Variants in RTN4 observed in about 807,000 individuals in gnomAD.
RTN4 encodes reticulon-4.
A neutral mutation model predicts 90.4 loss-of-function variants in RTN4; 32 were observed. That is an observed-to-expected ratio of 0.35 (90% CI 0.27 to 0.48). The LOEUF is 0.48. Ranked by LOEUF, RTN4 falls within the 20% of genes least tolerant of loss-of-function variation. The probability of loss-of-function intolerance (pLI) is 0.99; values close to 1 mark genes in which losing one functional copy is unlikely to be tolerated. For synonymous variants in RTN4, 629 were observed against 552.5 expected (o/e 1.14, Z -1.94); for missense variants, 1,706 against 1,430.2 (o/e 1.19, Z -3.11).
At chr2:55,134,423 T>C in the RTN4 span, among the ~76,000 whole-genome samples, 1 of 152,038 alleles carries the variant, frequency 6.6e-6, no homozygotes, top group Non-Finnish European at 1.5e-5. Flanking sequence ...GGCCACTCAG[T>C]AATAAGACTC....
chr2:55,075,981 A>C (rs2920884), intron 2 of RTN4, among the ~76,000 whole-genome samples: 139,595 of 152,234 alleles, frequency 0.92, 64,150 homozygotes, highest in African/African-American at 0.97. Flanking sequence ...CACAAAAATT[A>C]TAGAACAAAC....
At chr2:55,076,719 A>G (rs1668607175) in intron 2 of RTN4, among the ~76,000 whole-genome samples, 2 of 152,062 alleles carry the variant, frequency 1.3e-5, no homozygotes, top group Admixed American at 1.3e-4. Context: ...CTTGAATTGT[A>G]GTTCCCATAA....
At chr2:55,013,970 G>A (rs1407711144) in intron 3 of RTN4, among the ~76,000 whole-genome samples, 1 of 152,080 alleles carries the variant, frequency 6.6e-6, no homozygotes, top group Non-Finnish European at 1.5e-5. Context: ...ACAGAAAATA[G>A]GCATGTTTTT....
At position 55,025,608 on chromosome 2, in the gene RTN4, G is replaced by A. The variant is rs1266913943; in HGVS notation, c.2491C>T (p.Gln831Ter). 1.2e-6 allele frequency: 2 copies of A among 1,613,470 alleles called. No individual in the cohort carries two copies. Among genetic ancestry groups the A allele is most frequent in the Non-Finnish European group, 1.7e-6 (2 of 1,179,752 alleles). Residue 831 changes from glutamine (Q) to a stop codon, truncating the protein, a stop_gained, in exon 3 of 9, where the codon CAG becomes TAG. Transcript: ENST00000337526. LOFTEE classifies it high-confidence loss of function. ...TLSKKEKIPL[Q>*]MEELSTAVYS... Reference sequence around the variant, plus strand: ...ACTGCAGTACTGAGCTCCTCCATCTGCAAAGGAATTTTCTCCTTTTTGCTC... The same window carrying A: ...ACTGCAGTACTGAGCTCCTCCATCTACAAAGGAATTTTCTCCTTTTTGCTC...
rs72912565 is a variant in RTN4, at chr2:55,026,750, G to A, written c.1349C>T (p.Thr450Met). 5,100 of 1,613,846 alleles carry A rather than the reference G, an allele frequency of 3.2e-3. 136 individuals are homozygous for A. The African/African-American group carries it at 0.06, about 19-fold the overall frequency. The change falls in exon 3 of 9, where the codon ACG becomes ATG. Residue 450 changes from threonine to methionine, a missense_variant. Thr to Met is a moderately conservative substitution (Grantham distance 81). Coordinates refer to ENST00000337526, the MANE Select transcript of RTN4 (RefSeq NM_020532.5). ...TGAACGATCCTTTATACCTTCTGGC[G>A]TACTGGGGAAAGAAGTATCATCATT... The part of the protein sequence containing the change: ...SSNDDTSFPS[T>M]PEGIKDRSGA...
chr2:54,982,465 T>C (rs374631689), intron 5 of RTN4, 50 bp downstream of exon 5: 4 of 1,522,556 alleles, frequency 2.6e-6, no homozygotes, highest in African/African-American at 1.4e-5. Flanking sequence ...CTCAACTCTC[T>C]TGATACTAAA....
intron 1 of RTN4, among the ~76,000 whole-genome samples, chr2:55,097,630 G>A (rs529206581): frequency 4.6e-5 from 7 of 152,230 alleles, no homozygotes; most frequent in South Asian, 4.1e-4. Flanking sequence ...AGCTGCAGAC[G>A]CCACCCAGGC....
In RTN4 at chr2:54,972,919, G is replaced by GATATGATTACGGTTTAAATCCATAC; in HGVS notation, c.*212_*236dup. ...CAGTGCCTCAGATAGATAGGAAAAA[G>GATATGATTACGGTTTAAATCCATAC]ATATGATTACGGTTTAAATCCATAC... On this transcript the variant is annotated 3_prime_UTR_variant, in exon 9 of 9. Coordinates refer to ENST00000337526, the MANE Select transcript of RTN4 (RefSeq NM_020532.5). 2 of 366,650 alleles carry GATATGATTACGGTTTAAATCCATAC rather than the reference G, an allele frequency of 5.5e-6. No homozygotes were observed. Among genetic ancestry groups the GATATGATTACGGTTTAAATCCATAC allele is most frequent in the Non-Finnish European group, 9.7e-6 (2 of 205,234 alleles). The allele number at this position is 366,650 out of a possible 1,614,324, so 22.7% of individuals were successfully genotyped here.
intron 1 of RTN4, chr2:55,049,025 G>T: frequency 1.2e-6 from 1 of 825,620 alleles, no homozygotes; most frequent in Non-Finnish European, 1.5e-6. Context: ...GGTTTAGCTG[G>T]TGGGGAGCAG....
At chr2:55,018,633 G>C (rs1451731372) in intron 3 of RTN4, among the ~76,000 whole-genome samples, 1 of 151,824 alleles carries the variant, frequency 6.6e-6, no homozygotes, top group Non-Finnish European at 1.5e-5. Context: ...TAGGAACCAG[G>C]GTTCTCACTA....
chr2:55,033,795 T>A (rs556899792), intron 1 of RTN4, among the ~76,000 whole-genome samples: 1 of 152,254 alleles, frequency 6.6e-6, no homozygotes, highest in Non-Finnish European at 1.5e-5. Flanking sequence ...ACATATGATA[T>A]TTTGATACCT....
chr2:54,999,583 G>T (rs968984591), intron 3 of RTN4, among the ~76,000 whole-genome samples: 1 of 152,022 alleles, frequency 6.6e-6, no homozygotes, highest in African/African-American at 2.4e-5. Flanking sequence ...CTTTAATAAT[G>T]CCAGGTGAGG....
intron 3 of RTN4, among the ~76,000 whole-genome samples, chr2:55,002,257 C>G (rs1376113702): frequency 1.3e-5 from 2 of 152,012 alleles, no homozygotes; most frequent in African/African-American, 2.4e-5. Context: ...CAGGGCCTCC[C>G]TATGTTGCCC....
rs373176090 is a variant in RTN4 at position 54,973,133 on chromosome 2, C to T, written c.*23G>A. ...TGAATATCCCCTTTAAAGATGAACT[C>T]CTACTAATTATTTTGGGCGTTTTCA... is the stretch of plus-strand genomic sequence containing the variant. On this transcript the variant is annotated 3_prime_UTR_variant, in exon 9 of 9. Coordinates refer to ENST00000337526, the MANE Select transcript of RTN4 (RefSeq NM_020532.5). The T allele has an allele frequency of 2.6e-5, 41 of 1,594,444 alleles. No homozygotes were observed. Among genetic ancestry groups the T allele is most frequent in the Non-Finnish European group, 3.3e-5 (38 of 1,163,998 alleles).
chr2:55,026,729 C>A lies in RTN4; in HGVS notation c.1370G>T (p.Arg457Leu), dbSNP rs143644566. ...AGCACATGTGATATATGCTCCTGAA[C>A]GATCCTTTATACCTTCTGGCGTACT... is the stretch of plus-strand genomic sequence containing the variant. ...FPSTPEGIKD[R>L]SGAYITCAPF... The change falls in exon 3 of 9, where the codon CGT becomes CTT. Residue 457 changes from arginine (R) to leucine (L), a missense_variant. Coordinates refer to ENST00000337526, the MANE Select transcript of RTN4 (RefSeq NM_020532.5). 6.2e-7 allele frequency: 1 copy of A among 1,613,740 alleles called. No individual in the cohort carries two copies. The highest frequency in any genetic ancestry group is 1.1e-5 in the South Asian group (1 of 91,074).
intron 4 of RTN4, among the ~76,000 whole-genome samples, chr2:54,983,510 T>A (rs1678312078): frequency 6.6e-6 from 1 of 152,158 alleles, no homozygotes; most frequent in Admixed American, 6.5e-5. Flanking sequence ...ATAACCTCCC[T>A]ATGTCTCAGG....
intron 3 of RTN4, among the ~76,000 whole-genome samples, chr2:55,005,006 A>G (rs1023671835): frequency 6.6e-6 from 1 of 152,136 alleles, no homozygotes; most frequent in Non-Finnish European, 1.5e-5. Context: ...AGGGCCTTCA[A>G]GGTGGAGAGA....
chr2:55,093,534 T>C (rs1668977871), intron 1 of RTN4, among the ~76,000 whole-genome samples: 1 of 152,132 alleles, frequency 6.6e-6, no homozygotes, highest in Non-Finnish European at 1.5e-5. Context: ...CTCTAAGTGA[T>C]TCCGCAGCAT....
chr2:54,996,435 C>T (rs1269426153), intron 3 of RTN4, among the ~76,000 whole-genome samples: 1 of 152,198 alleles, frequency 6.6e-6, no homozygotes, highest in East Asian at 1.9e-4. Context: ...TATATCAAAA[C>T]TTCCTAAAAA....
Sources: gnomAD v4.1 joint callset for allele counts (sites outside exome capture counted in the v4.1 genomes callset) on GRCh38, gnomAD v4.1.1 for gene constraint, MANE v1.5 for transcripts, NCBI Gene and HGNC (gene_info 2026-07-23, HGNC 2026-07-21) for gene names.